The following SERPIND1 variants were observed in gnomAD, a reference collection of about 807,000 sequenced individuals.
SERPIND1 encodes the protein serpin family D member 1.
A neutral mutation model predicts 35.0 loss-of-function variants in SERPIND1; 34 were observed. That is an observed-to-expected ratio of 0.97 (90% confidence interval 0.74 to 1.29). The LOEUF (loss-of-function observed/expected upper bound fraction) is 1.29. Among genes scored for constraint, SERPIND1 ranks in the 50% most tolerant of loss-of-function variants. The probability of loss-of-function intolerance (pLI) is 0.00; values close to 1 mark genes in which losing one functional copy is unlikely to be tolerated. For synonymous variants in SERPIND1, 236 were observed against 241.1 expected, an observed-to-expected ratio of 0.98 and a Z score of 0.19; for missense variants, 633 against 637.7, an observed-to-expected ratio of 0.99 and a Z score of 0.08.
At chr22:20,785,469 C>T (rs1250117841) in intron 3 of SERPIND1, among the ~76,000 whole-genome samples, 2 of 152,202 alleles carry the variant, frequency 1.3e-5, no homozygotes, top group African/African-American at 4.8e-5. Context: ...TGGGATTGCA[C>T]CTTAAATCTC....
chr22:20,779,728 G>A lies in SERPIND1; in HGVS notation c.416G>A (p.Arg139Gln), dbSNP rs745527833. The A allele has an allele frequency of 1.4e-5, 22 of 1,614,184 alleles. No homozygotes were observed. The highest frequency in any genetic ancestry group is 6.7e-5 in the East Asian group (3 of 44,888). The stretch of plus-strand genomic sequence containing the variant: ...GCCAAGTTCGCTTTCAACCTCTACC[G>A]AGTGCTGAAAGACCAGGTCAACACT... ...LNAKFAFNLY[R>Q]VLKDQVNTFD... is the part of the protein sequence containing the mutation. Residue 139 changes from arginine (R) to glutamine (Q), a missense_variant, in exon 2 of 5, where the codon CGA becomes CAA. Physicochemically the swap from Arg to Gln is conservative, Grantham distance 43. Coordinates refer to ENST00000215727, the MANE Select transcript of SERPIND1 (RefSeq NM_000185.4).
chr22:20,786,937 G>A lies in SERPIND1; in HGVS notation c.1371G>A (p.Thr457=), dbSNP rs199566178. 47 of 1,614,148 alleles carry A rather than the reference G, an allele frequency of 2.9e-5. No individual in the cohort carries two copies. Among genetic ancestry groups the A allele is most frequent in the Non-Finnish European group, 3.6e-5 (43 of 1,180,022 alleles). ...GCACCCAAGCCACCACTGTGACCAC[G>A]GTGGGGTTCATGCCGCTGTCCACCC... ...EEGTQATTVT[T]VGFMPLSTQV... is the part of the protein sequence containing the mutation. The change falls in exon 5 of 5, where the codon ACG becomes ACA. Residue 457 remains threonine (T), a synonymous_variant. Coordinates refer to ENST00000215727, the MANE Select transcript of SERPIND1 (RefSeq NM_000185.4).
chr22:20,778,215 C>A (rs1386305483), intron 1 of SERPIND1, among the ~76,000 whole-genome samples: 2 of 152,182 alleles, frequency 1.3e-5, no homozygotes, highest in South Asian at 2.1e-4. Context: ...ATTAAACAAC[C>A]CCAGGTCAGG....
intron 4 of SERPIND1, among the ~76,000 whole-genome samples, chr22:20,786,640 G>A (rs893748058): frequency 6.6e-6 from 1 of 152,118 alleles, no homozygotes; most frequent in Non-Finnish European, 1.5e-5. Flanking sequence ...CAGCCCCCAC[G>A]ACCCTCAGAC....
rs780835080 is a variant in SERPIND1 at position 20,786,105 on chromosome 22, G to C, written c.1265G>C (p.Gly422Ala). 6.2e-7 allele frequency: 1 copy of C among 1,614,084 alleles called. No individual in the cohort carries two copies. The highest frequency in any genetic ancestry group is 1.7e-5 in the Admixed American group (1 of 60,012). Reference protein sequence around the residue: ...MGIRMLFDKNGNMAGISDQRI... With the variant: ...MGIRMLFDKNANMAGISDQRI... ...ATCAGGATGCTGTTTGACAAAAATG[G>C]CAACATGGCAGGCATCTCAGACCAA... The change falls in exon 4 of 5, where the codon GGC becomes GCC. Residue 422 changes from glycine (G) to alanine (A), a missense_variant. Gly to Ala is a moderately conservative substitution (Grantham distance 60, BLOSUM62 0). Transcript: ENST00000215727.
At chr22:20,780,879 A>C (rs1933748302) in intron 2 of SERPIND1, among the ~76,000 whole-genome samples, 1 of 152,154 alleles carries the variant, frequency 6.6e-6, no homozygotes. Flanking sequence ...CAATCTGTTA[A>C]ATTGGAAGAA....
chr22:20,784,505 G>C (rs1162009398), intron 3 of SERPIND1, among the ~76,000 whole-genome samples: 2 of 152,124 alleles, frequency 1.3e-5, no homozygotes, highest in African/African-American at 4.8e-5. Context: ...ACAGCTTGGT[G>C]CTTGCTTTGT....
Position 20,779,877 on chromosome 22 carries a change from G to T in SERPIND1, c.565G>T (p.Ala189Ser). 2 of 1,614,212 alleles carry T rather than the reference G, an allele frequency of 1.2e-6. No homozygotes were observed. Among genetic ancestry groups the T allele is most frequent in the South Asian group, 2.2e-5 (2 of 91,084 alleles). ...TTTGCATTTTAAAGACTTTGTTAAT[G>T]CCAGCAGCAAGTATGAAATCACGAC... is the stretch of plus-strand genomic sequence containing the variant. ...SILHFKDFVNASSKYEITTIH... is the reference protein window; with the variant it reads ...SILHFKDFVNSSSKYEITTIH... Residue 189 changes from alanine (A) to serine (S), a missense_variant, in exon 2 of 5, where the codon GCC (alanine) becomes TCC (serine). Coordinates refer to ENST00000215727, the MANE Select transcript of SERPIND1 (RefSeq NM_000185.4).
chr22:20,776,931 A>G (rs765982065), intron 1 of SERPIND1, among the ~76,000 whole-genome samples: 1 of 152,222 alleles, frequency 6.6e-6, no homozygotes, highest in Non-Finnish European at 1.5e-5. Context: ...AAGAGCAGCC[A>G]GTAACTCTTA....
intron 2 of SERPIND1, among the ~76,000 whole-genome samples, chr22:20,782,176 G>T (rs527246143): frequency 6.6e-6 from 1 of 152,310 alleles, no homozygotes; most frequent in African/African-American, 2.4e-5. Context: ...ACACCAAAGA[G>T]CCTCTGCATT....
intron 1 of SERPIND1, among the ~76,000 whole-genome samples, chr22:20,778,685 A>G (rs772591944): frequency 6.6e-6 from 1 of 152,158 alleles, no homozygotes; most frequent in Non-Finnish European, 1.5e-5. Flanking sequence ...TCACACAGGC[A>G]TGGCTGAGTC....
chr22:20,782,768 T>C (rs1428833337), intron 2 of SERPIND1, among the ~76,000 whole-genome samples: 5 of 152,146 alleles, frequency 3.3e-5, no homozygotes, highest in Non-Finnish European at 7.3e-5. Context: ...CACCCTACCA[T>C]GCACAGGGCA....
Position 20,779,484 on chromosome 22 carries a change from G to T in SERPIND1, c.172G>T (p.Asp58Tyr). The change falls in exon 2 of 5, where the codon GAC (aspartate) becomes TAC (tyrosine). Residue 58 changes from aspartate (D) to tyrosine (Y), a missense_variant. By Grantham distance (160) the Asp-to-Tyr change is radical. Coordinates refer to ENST00000215727, the MANE Select transcript of SERPIND1 (RefSeq NM_000185.4). The part of the protein sequence containing the change: ...KNLSMPLLPA[D>Y]FHKENTVTND... Reference sequence around the variant, plus strand: ...CCTGAGCATGCCTCTTCTCCCTGCCGACTTCCACAAGGAAAACACCGTCAC... The same window carrying T: ...CCTGAGCATGCCTCTTCTCCCTGCCTACTTCCACAAGGAAAACACCGTCAC... 1 of 1,614,102 alleles carries T rather than the reference G, an allele frequency of 6.2e-7. No individual in the cohort carries two copies. Among genetic ancestry groups the T allele is most frequent in the Non-Finnish European group, 8.5e-7 (1 of 1,179,970 alleles).
intron 3 of SERPIND1, among the ~76,000 whole-genome samples, 185 bp downstream of exon 3, chr22:20,784,430 A>G (rs565688410): frequency 2.4e-4 from 37 of 152,320 alleles, no homozygotes; most frequent in African/African-American, 8.4e-4. Flanking sequence ...ATTAGAGAGC[A>G]TTCATAAGGG....
chr22:20,784,544 A>C (rs768597374), intron 3 of SERPIND1, among the ~76,000 whole-genome samples: 3 of 152,182 alleles, frequency 2.0e-5, no homozygotes, highest in Admixed American at 6.5e-5. Context: ...CATCATCCCT[A>C]AAATGGGTAT....
In SERPIND1 at chr22:20,787,567, C is replaced by T. The variant is rs1053356814; in HGVS notation, c.*501C>T. The T allele has an allele frequency of 5.3e-6, 1 of 189,998 alleles. No individual in the cohort carries two copies. The highest frequency in any genetic ancestry group is 1.1e-5 in the Non-Finnish European group (1 of 89,964). 11.8% of individuals were successfully genotyped at this position (189,998 alleles called of 1,614,324 possible). A position where few individuals can be genotyped will look rare whatever the true frequency, so the allele number is the denominator to read the frequency against. On this transcript the variant is annotated 3_prime_UTR_variant, in exon 5 of 5. Transcript: ENST00000215727. ...CAAGACATATGAGGGGTGCCCTGGG[C>T]TAATGTTAGGGCTTAATTTTCTCAA... is the stretch of plus-strand genomic sequence containing the variant.
chr22:20,779,286 T>C lies in SERPIND1; in HGVS notation c.-16-11T>C, dbSNP rs373573373. On this transcript the variant is annotated splice_polypyrimidine_tract_variant and intron_variant, in intron 1 of 4. Coordinates refer to ENST00000215727, the MANE Select transcript of SERPIND1 (RefSeq NM_000185.4). ...AGGCCGCCTTTCACTGTGTTCTGTTTTCCCTCCCAGCTTTAGCTCCGCCAA... is the reference window on the plus strand; with the variant it reads ...AGGCCGCCTTTCACTGTGTTCTGTTCTCCCTCCCAGCTTTAGCTCCGCCAA... The C allele has an allele frequency of 1.9e-5, 31 of 1,613,902 alleles. No individual in the cohort carries two copies. The African/African-American group carries it at 2.9e-4, about 15-fold the overall frequency.
intron 1 of SERPIND1, chr22:20,779,058 G>A: frequency 1.1e-6 from 1 of 907,630 alleles, no homozygotes; most frequent in East Asian, 3.1e-5. Context: ...AACCTTTAAA[G>A]AAGGGATTTT....
chr22:20,774,775 A>G (rs915355799), intron 1 of SERPIND1, among the ~76,000 whole-genome samples: 12 of 148,252 alleles, frequency 8.1e-5, no homozygotes, highest in African/African-American at 3.0e-4. Context: ...AAAAAAAAAA[A>G]GAAGAAAAAA....
Sources: gnomAD v4.1 joint callset for allele counts (sites outside exome capture counted in the v4.1 genomes callset) on GRCh38, gnomAD v4.1.1 for gene constraint, MANE v1.5 for transcripts, NCBI Gene and HGNC (gene_info 2026-07-23, HGNC 2026-07-21) for gene names.